MARCHF4: variants seen among roughly 807,000 people sequenced by gnomAD.
MARCHF4 encodes E3 ubiquitin-protein ligase MARCHF4.
In MARCHF4, 14 loss-of-function variants were observed where a neutral mutation model predicts 43.9. The ratio of observed to expected loss-of-function variants is 0.32; its 90% CI spans 0.21 to 0.50. The LOEUF is 0.50. Ranked by LOEUF, MARCHF4 falls within the 20% of genes least tolerant of loss-of-function variation. MARCHF4 has a pLI of 0.98. For missense variants in MARCHF4, 468 were observed against 536.7 expected, an observed-to-expected ratio of 0.87 and a Z score of 1.27; for synonymous variants, 226 against 213.3, an observed-to-expected ratio of 1.06 and a Z score of -0.52.
chr2:216,350,648 G>C (rs1049713063), intron 1 of MARCHF4, among the ~76,000 whole-genome samples: 1 of 152,122 alleles, frequency 6.6e-6, no homozygotes, highest in Admixed American at 6.6e-5. Flanking sequence ...TGTTGCACAT[G>C]CTCCTACCAC....
At chr2:216,313,680 T>C (rs1691726570) in intron 1 of MARCHF4, among the ~76,000 whole-genome samples, 1 of 152,326 alleles carries the variant, frequency 6.6e-6, no homozygotes, top group African/African-American at 2.4e-5. Context: ...CTATTAGACA[T>C]GATCCCTAGA....
intron 3 of MARCHF4, among the ~76,000 whole-genome samples, chr2:216,276,221 G>A (rs958730577): frequency 1.1e-4 from 16 of 152,234 alleles, no homozygotes; most frequent in African/African-American, 3.6e-4. Context: ...CCCCTCCACT[G>A]TTTCCCCCTT....
Position 216,265,222 on chromosome 2 carries a change from GT to G in MARCHF4, c.866-5544del, listed in dbSNP as rs568389872. 9.6e-4 allele frequency among the ~76,000 whole-genome samples: 146 copies of G among 152,274 alleles called. 1 individual carries two copies. The highest frequency in any genetic ancestry group is 3.3e-3 in the African/African-American group (138 of 41,564). On this transcript the variant is annotated intron_variant, in intron 3 of 3. Transcript: ENST00000273067. The stretch of plus-strand genomic sequence containing the variant: ...CATAGTAACATCAGAAACCCAACAA[GT>G]TTTGATTAAGTCCTTTCTGGTTTTT...
chr2:216,329,383 A>T (rs1338833386), intron 1 of MARCHF4, among the ~76,000 whole-genome samples: 1 of 152,034 alleles, frequency 6.6e-6, no homozygotes, highest in Non-Finnish European at 1.5e-5. Context: ...TCAGTCTCAA[A>T]AAACAAACAA....
At chr2:216,307,265 C>A (rs1192403589) in intron 1 of MARCHF4, among the ~76,000 whole-genome samples, 1 of 152,058 alleles carries the variant, frequency 6.6e-6, no homozygotes, top group African/African-American at 2.4e-5. Context: ...CTGAGGGAGT[C>A]CATCAGTGTT....
intron 2 of MARCHF4, among the ~76,000 whole-genome samples, chr2:216,282,590 TGGA>T (rs1691147316): frequency 6.6e-6 from 1 of 152,210 alleles, no homozygotes; most frequent in Non-Finnish European, 1.5e-5. Flanking sequence ...CATGGATATG[TGGA>T]GGTATTTTCA....
chr2:216,259,118 G>A lies in MARCHF4; in HGVS notation c.*194C>T. Reference sequence around the variant, plus strand: ...GGTTTTCATTGTTGTTGTGGAGAGTGGCATTGACTGATTGGAAATAGCAGA... The same window carrying A: ...GGTTTTCATTGTTGTTGTGGAGAGTAGCATTGACTGATTGGAAATAGCAGA... On this transcript the variant is annotated 3_prime_UTR_variant, in exon 4 of 4. Coordinates refer to ENST00000273067, the MANE Select transcript of MARCHF4 (RefSeq NM_020814.3). The A allele has an allele frequency of 1.6e-6, 1 of 619,884 alleles. No individual in the cohort carries two copies. Among genetic ancestry groups the A allele is most frequent in the Non-Finnish European group, 2.6e-6 (1 of 381,202 alleles). 38.4% of individuals were successfully genotyped at this position (619,884 alleles called of 1,614,324 possible).
intron 1 of MARCHF4, among the ~76,000 whole-genome samples, chr2:216,317,501 A>G (rs1023577169): frequency 1.3e-5 from 2 of 151,778 alleles, no homozygotes; most frequent in Non-Finnish European, 2.9e-5. Flanking sequence ...GCAACCTTCC[A>G]CCTCCTGGGT....
At chr2:216,273,797 A>G (rs577231610) in intron 3 of MARCHF4, among the ~76,000 whole-genome samples, 89 of 152,374 alleles carry the variant, frequency 5.8e-4, no homozygotes, top group African/African-American at 1.9e-3. Context: ...TCCTTCTGGC[A>G]GTCCCAGCCA....
At chr2:216,319,130 A>C (rs188469880) in intron 1 of MARCHF4, among the ~76,000 whole-genome samples, 1 of 152,254 alleles carries the variant, frequency 6.6e-6, no homozygotes, top group East Asian at 1.9e-4. Context: ...CAACACGGTG[A>C]AACCCTGTTT....
intron 1 of MARCHF4, among the ~76,000 whole-genome samples, chr2:216,287,477 C>A (rs1163863792): frequency 6.6e-6 from 1 of 151,936 alleles, no homozygotes; most frequent in African/African-American, 2.4e-5. Context: ...CCAGAGACTG[C>A]CCTGGGAATG....
At chr2:216,357,355 C>T (rs1363390568) in intron 1 of MARCHF4, among the ~76,000 whole-genome samples, 1 of 152,158 alleles carries the variant, frequency 6.6e-6, no homozygotes, top group Non-Finnish European at 1.5e-5. Context: ...CATGGTCTTG[C>T]TCTGTCACCC....
At chr2:216,281,691 G>A (rs1691130947) in intron 2 of MARCHF4, among the ~76,000 whole-genome samples, 1 of 152,186 alleles carries the variant, frequency 6.6e-6, no homozygotes. Flanking sequence ...TTCTTCCAGT[G>A]CTATCCAGAA....
At position 216,268,805 on chromosome 2, in the gene MARCHF4, A is replaced by G. The variant is rs189622552; in HGVS notation, c.865+8867T>C. ...ATTAAAAGGTTTTACAGGTAGAGTC[A>G]TTTCTAGCTAGGAGGAGAGGAAGGA... is the stretch of plus-strand genomic sequence containing the variant. On this transcript the variant is annotated intron_variant, in intron 3 of 3. Coordinates refer to ENST00000273067, the MANE Select transcript of MARCHF4 (RefSeq NM_020814.3). 6.2e-4 allele frequency among the ~76,000 whole-genome samples: 95 copies of G among 152,288 alleles called. No homozygotes were observed. In the East Asian group the frequency reaches 0.017, roughly 27 times the overall value.
intron 1 of MARCHF4, among the ~76,000 whole-genome samples, chr2:216,319,337 C>G (rs1308392523): frequency 6.6e-6 from 1 of 151,914 alleles, no homozygotes; most frequent in African/African-American, 2.4e-5. Context: ...AAAACAAACA[C>G]AAATCTACCA....
chr2:216,271,418 G>C (rs563951561), intron 3 of MARCHF4, among the ~76,000 whole-genome samples: 7 of 152,284 alleles, frequency 4.6e-5, no homozygotes, highest in East Asian at 1.9e-4. Context: ...TCCCCCAAGA[G>C]AGTCAATTGC....
intron 1 of MARCHF4, among the ~76,000 whole-genome samples, chr2:216,314,284 T>A (rs1691736178): frequency 6.6e-6 from 1 of 152,068 alleles, no homozygotes; most frequent in South Asian, 2.1e-4. Flanking sequence ...ACAATCTAAT[T>A]AGGGGTGCAT....
intron 1 of MARCHF4, among the ~76,000 whole-genome samples, chr2:216,339,040 G>T (rs1692198818): frequency 6.6e-6 from 1 of 152,164 alleles, no homozygotes; most frequent in Non-Finnish European, 1.5e-5. Context: ...TCCCAGGTTG[G>T]ACAGAAAGGA....
chr2:216,282,494 G>A (rs1431922429), intron 2 of MARCHF4, among the ~76,000 whole-genome samples: 1 of 152,106 alleles, frequency 6.6e-6, no homozygotes, highest in Non-Finnish European at 1.5e-5. Flanking sequence ...CCCCAGAGAG[G>A]AGGAGTGAGA....
Sources: gnomAD v4.1 joint callset for allele counts (sites outside exome capture counted in the v4.1 genomes callset) on GRCh38, gnomAD v4.1.1 for gene constraint, MANE v1.5 for transcripts, NCBI Gene and HGNC (gene_info 2026-07-23, HGNC 2026-07-21) for gene names.